Variants in HIVEP3 observed in about 807,000 individuals in gnomAD.
The protein encoded by HIVEP3 is transcription factor HIVEP3.
HIVEP3 carries 49 observed loss-of-function variants against 152.8 expected under a neutral mutation model. The ratio of observed to expected loss-of-function variants is 0.32; its 90% confidence interval spans 0.26 to 0.41. The LOEUF is 0.41. Among genes scored for constraint, HIVEP3 ranks in the 10% least tolerant of loss-of-function variants. The pLI, the probability that HIVEP3 is intolerant of heterozygous loss-of-function variation, is 1.00. For synonymous variants in HIVEP3, 1,269 were observed against 1,289.0 expected (o/e 0.98, Z 0.33); for missense variants, 2,790 against 3,103.3 (o/e 0.90, Z 2.40).
chr1:41,829,888 G>C (rs1416940211), intron 1 of HIVEP3, among the ~76,000 whole-genome samples: 1 of 151,688 alleles, frequency 6.6e-6, no homozygotes, highest in Non-Finnish European at 1.5e-5. Context: ...TTTCAGAACA[G>C]TATAAGCATT....
chr1:41,558,495 A>G (rs1396581532), intron 5 of HIVEP3, among the ~76,000 whole-genome samples: 3 of 152,186 alleles, frequency 2.0e-5, no homozygotes, highest in Non-Finnish European at 4.4e-5. Context: ...ATCTGCTGAC[A>G]TTCTGAAAGT....
chr1:41,885,457 G>C (rs569277001), intron 1 of HIVEP3, among the ~76,000 whole-genome samples: 21 of 152,286 alleles, frequency 1.4e-4, no homozygotes, highest in Admixed American at 2.6e-4. Context: ...CTTGAGGTCA[G>C]GAGTTTGAGA....
intron 1 of HIVEP3, among the ~76,000 whole-genome samples, chr1:41,977,268 A>T (rs979547053): frequency 6.6e-6 from 1 of 152,178 alleles, no homozygotes; most frequent in African/African-American, 2.4e-5. Flanking sequence ...TAGGATGAGA[A>T]CTATTACCTT....
intron 1 of HIVEP3, among the ~76,000 whole-genome samples, chr1:41,865,035 T>C (rs1484576656): frequency 6.6e-6 from 1 of 152,216 alleles, no homozygotes; most frequent in African/African-American, 2.4e-5. Flanking sequence ...AAGGAGCTTG[T>C]CATAAAGTAC....
intron 1 of HIVEP3, among the ~76,000 whole-genome samples, chr1:41,801,067 C>T (rs979902466): frequency 6.6e-6 from 1 of 152,114 alleles, no homozygotes; most frequent in Non-Finnish European, 1.5e-5. Context: ...GACTTAAAAG[C>T]AGGTACGATG....
chr1:41,575,049 C>G (rs1010385646), intron 5 of HIVEP3, among the ~76,000 whole-genome samples: 1 of 152,236 alleles, frequency 6.6e-6, no homozygotes, highest in Non-Finnish European at 1.5e-5. Flanking sequence ...GGATAGGGAC[C>G]AGTGGAAACA....
At chr1:41,541,393 A>G (rs2149069276) in intron 5 of HIVEP3, among the ~76,000 whole-genome samples, 1 of 152,304 alleles carries the variant, frequency 6.6e-6, no homozygotes, top group East Asian at 1.9e-4. Context: ...TGTGGAAGGA[A>G]GAATCCCTTT....
chr1:41,763,758 A>T (rs545949136), intron 1 of HIVEP3, among the ~76,000 whole-genome samples: 47 of 152,326 alleles, frequency 3.1e-4, no homozygotes, highest in African/African-American at 1.1e-3. Flanking sequence ...GTGTTAGTGG[A>T]GGTAAAATAC....
At chr1:41,569,019 C>T (rs564776431) in intron 5 of HIVEP3, among the ~76,000 whole-genome samples, 2 of 152,276 alleles carry the variant, frequency 1.3e-5, no homozygotes, top group South Asian at 2.1e-4. Context: ...ACATCCCTCC[C>T]GCTCTTGCTC....
At chr1:41,734,619 A>G (rs1057115908) in intron 1 of HIVEP3, among the ~76,000 whole-genome samples, 1 of 152,082 alleles carries the variant, frequency 6.6e-6, no homozygotes, top group African/African-American at 2.4e-5. Context: ...GAAGGAGGGG[A>G]CAGAAGCCAA....
At chr1:41,743,885 G>A (rs2124210470) in intron 1 of HIVEP3, among the ~76,000 whole-genome samples, 1 of 152,230 alleles carries the variant, frequency 6.6e-6, no homozygotes, top group East Asian at 1.9e-4. Context: ...AGGGAAATGG[G>A]GGAGGGAGGG....
chr1:41,583,379 C>T lies in HIVEP3; in HGVS notation c.1419G>A (p.Glu473=), dbSNP rs1195756085. The T allele has an allele frequency of 1.9e-6, 3 of 1,613,494 alleles. No homozygotes were observed. The highest frequency in any genetic ancestry group is 2.5e-6 in the Non-Finnish European group (3 of 1,179,688). The change falls in exon 4 of 9, where the codon GAG becomes GAA. Residue 473 remains glutamate (E), a synonymous_variant. Coordinates refer to ENST00000372583, the MANE Select transcript of HIVEP3 (RefSeq NM_024503.5). This position sits in a 1 kb window ranked among gnomAD's most constrained non-coding sequence, Gnocchi z 6.9. ...CGATCTCGCTGGTGTCCACCACGGC[C>T]TCGTTGATGGTGATGAGCTTCGTGA... The part of the protein sequence containing the change: ...EHITKLITIN[E]AVVDTSEIDS...
chr1:41,966,182 G>C (rs566667690), intron 1 of HIVEP3, among the ~76,000 whole-genome samples: 76 of 152,234 alleles, frequency 5.0e-4, no homozygotes, highest in African/African-American at 1.1e-3. Context: ...CAAATACTGA[G>C]GGAATTTGTC....
At chr1:41,831,632 G>A (rs1178185370) in intron 1 of HIVEP3, among the ~76,000 whole-genome samples, 1 of 152,158 alleles carries the variant, frequency 6.6e-6, no homozygotes, top group African/African-American at 2.4e-5. Flanking sequence ...CAAAGCTTTA[G>A]AGCACTGTGA....
At chr1:41,593,749 A>G (rs899265675) in intron 3 of HIVEP3, among the ~76,000 whole-genome samples, 2 of 152,264 alleles carry the variant, frequency 1.3e-5, no homozygotes, top group African/African-American at 4.8e-5. Flanking sequence ...GTAAGAAATT[A>G]CCACAAATTT....
intron 1 of HIVEP3, among the ~76,000 whole-genome samples, chr1:42,007,554 G>C (rs918620868): frequency 2.6e-5 from 4 of 152,170 alleles, no homozygotes; most frequent in Admixed American, 2.0e-4. Context: ...CCCTCACTTA[G>C]GGGCAAGTCT....
intron 3 of HIVEP3, among the ~76,000 whole-genome samples, chr1:41,600,234 T>A (rs1367017489): frequency 2.6e-5 from 4 of 152,188 alleles, no homozygotes; most frequent in Non-Finnish European, 4.4e-5. Flanking sequence ...TCAAAAGAAT[T>A]GAAATCAGAG....
At chr1:41,984,700 A>T (rs689277) in intron 1 of HIVEP3, among the ~76,000 whole-genome samples, 1 of 152,038 alleles carries the variant, frequency 6.6e-6, no homozygotes, top group African/African-American at 2.4e-5. Context: ...GAAAGATCTG[A>T]TTTTGCTAAT....
chr1:41,805,796 T>G (rs1650569230), intron 1 of HIVEP3, among the ~76,000 whole-genome samples: 1 of 152,184 alleles, frequency 6.6e-6, no homozygotes, highest in South Asian at 2.1e-4. Flanking sequence ...ACCCACCTCT[T>G]CACAAAAGCA....
Sources: gnomAD v4.1 joint callset for allele counts (sites outside exome capture counted in the v4.1 genomes callset) on GRCh38, gnomAD v4.1.1 for gene constraint, Gnocchi (gnomAD v3.1) non-coding constraint, MANE v1.5 for transcripts, NCBI Gene and HGNC (gene_info 2026-07-23, HGNC 2026-07-21) for gene names.